The following ZNF705G variants were observed in gnomAD, a reference collection of about 807,000 sequenced individuals.
The protein encoded by ZNF705G is zinc finger protein 705G.
ZNF705G carries 23 observed loss-of-function variants against 19.6 expected under a neutral mutation model. The ratio of observed to expected loss-of-function variants is 1.17; its 90% CI spans 0.84 to 1.66. ZNF705G has a LOEUF of 1.66. ZNF705G is among the 40% of genes most tolerant of loss of function. The pLI is 0.00. For missense variants in ZNF705G, 457 were observed against 354.4 expected, an observed-to-expected ratio of 1.29 and a Z score of -2.32; for synonymous variants, 146 against 117.7, an observed-to-expected ratio of 1.24 and a Z score of -1.56.
rs552868726 is a variant in ZNF705G at position 7,362,668 on chromosome 8, T to A, written c.12+267A>T. On this transcript the variant is annotated intron_variant, in intron 3 of 6. Transcript: ENST00000400156. ...AGCCTTAATAGGGGCTGGAATAAAG[T>A]AGTGTAATATTAGAAATTATATTGA... 3.8e-4 allele frequency among the ~76,000 whole-genome samples: 57 copies of A among 149,534 alleles called. 6 individuals carry two copies. Among genetic ancestry groups the A allele is most frequent in the African/African-American group, 1.4e-3 (55 of 38,976 alleles).
At chr8:7,377,978 A>T (rs1807314083) in intron 2 of ZNF705G, among the ~76,000 whole-genome samples, 1 of 136,100 alleles carries the variant, frequency 7.3e-6, no homozygotes, top group Non-Finnish European at 1.5e-5. Flanking sequence ...AAAAAAAAAA[A>T]GTTTATATTA....
intron 2 of ZNF705G, among the ~76,000 whole-genome samples, chr8:7,379,667 T>TA (rs1342629445): frequency 4.8e-5 from 7 of 146,806 alleles, no homozygotes; most frequent in Non-Finnish European, 1.0e-4. Flanking sequence ...GGTGAAAAGG[T>TA]AAAAAAGAGA....
intron 1 of ZNF705G, among the ~76,000 whole-genome samples, chr8:7,384,478 C>T (rs200629541): frequency 4.1e-5 from 6 of 145,644 alleles, no homozygotes; most frequent in Admixed American, 1.3e-4. Flanking sequence ...CTCATCATCA[C>T]TGGTCATTAG....
In ZNF705G at chr8:7,358,320, G is replaced by A. The variant is rs1188721708; in HGVS notation, c.559C>T (p.Leu187Phe). Residue 187 changes from leucine (L) to phenylalanine (F), a missense_variant, in exon 7 of 7, where the codon CTT becomes TTT. Leu to Phe is a conservative substitution (Grantham distance 22). Transcript: ENST00000400156. ...CEKAYTNCFHLRRHKMTHTGE... is the reference protein window; with the variant it reads ...CEKAYTNCFHFRRHKMTHTGE... ...GTGTGAGTCATCTTGTGCCGTCTAA[G>A]GTGAAAGCAATTAGTATAGGCCTTT... 1.2e-6 allele frequency: 2 copies of A among 1,607,788 alleles called. No individual in the cohort carries two copies. The highest frequency in any genetic ancestry group is 1.7e-5 in the Admixed American group (1 of 59,946).
intron 2 of ZNF705G, among the ~76,000 whole-genome samples, chr8:7,368,832 ATTGT>A (rs1202454951): frequency 6.7e-6 from 1 of 149,514 alleles, no homozygotes; most frequent in Non-Finnish European, 1.5e-5. Flanking sequence ...GGCCCCAGAC[ATTGT>A]TTGGGCCACC....
rs1226952237 is a variant in ZNF705G at position 7,357,701 on chromosome 8, C to A, written c.*275G>T. Reference sequence around the variant, plus strand: ...GATGTGGACTGAAGAATAAAGGTAACTGAAGTATCTTCCATGTTGATTACA... The same window carrying A: ...GATGTGGACTGAAGAATAAAGGTAAATGAAGTATCTTCCATGTTGATTACA... On this transcript the variant is annotated 3_prime_UTR_variant, in exon 7 of 7. Coordinates refer to ENST00000400156, the MANE Select transcript of ZNF705G (RefSeq NM_001164457.3). 5 of 585,730 alleles carry A rather than the reference C, an allele frequency of 8.5e-6. No homozygotes were observed. Among genetic ancestry groups the A allele is most frequent in the Admixed American group, 6.4e-5 (2 of 31,032 alleles). 36.3% of individuals were successfully genotyped at this position (585,730 alleles called of 1,614,324 possible).
intron 2 of ZNF705G, among the ~76,000 whole-genome samples, chr8:7,367,518 C>A (rs1806911730): frequency 6.7e-6 from 1 of 149,476 alleles, no homozygotes; most frequent in South Asian, 2.1e-4. Context: ...GCATATAACT[C>A]CCTAAACACA....
rs576428563 is a variant in ZNF705G at position 7,370,459 on chromosome 8, T to A, written c.-71-7442A>T. 9.2e-4 allele frequency among the ~76,000 whole-genome samples: 137 copies of A among 149,192 alleles called. 1 individual carries two copies. The highest frequency in any genetic ancestry group is 1.4e-3 in the Admixed American group (22 of 15,210). Reference sequence around the variant, plus strand: ...AGATGTATAACAAGTATTAGTGAGGTTGTGGAGAAAAGATAACCCTTGTAT... The same window carrying A: ...AGATGTATAACAAGTATTAGTGAGGATGTGGAGAAAAGATAACCCTTGTAT... On this transcript the variant is annotated intron_variant, in intron 2 of 6. Coordinates refer to ENST00000400156, the MANE Select transcript of ZNF705G (RefSeq NM_001164457.3).
At position 7,376,068 on chromosome 8, in the gene ZNF705G, A is replaced by T. The variant is rs1161587099; in HGVS notation, c.-72+5384T>A. 2.2e-5 allele frequency among the ~76,000 whole-genome samples: 2 copies of T among 92,616 alleles called. 1 individual carries two copies. Among genetic ancestry groups the T allele is most frequent in the African/African-American group, 1.0e-4 (2 of 19,828 alleles). 60.8% of individuals were successfully genotyped at this position (92,616 alleles called of 152,430 possible). A position where few individuals can be genotyped will look rare whatever the true frequency, so the allele number is the denominator to read the frequency against. ...CTATATGTAGTAGCTGACTACTTACAGATAAAAGGAAGAGATGGAAAGCTC... is the reference window on the plus strand; with the variant it reads ...CTATATGTAGTAGCTGACTACTTACTGATAAAAGGAAGAGATGGAAAGCTC... On this transcript the variant is annotated intron_variant, in intron 2 of 6. Transcript: ENST00000400156.
chr8:7,357,829 T>G lies in ZNF705G; in HGVS notation c.*147A>C. On this transcript the variant is annotated 3_prime_UTR_variant, in exon 7 of 7. Coordinates refer to ENST00000400156, the MANE Select transcript of ZNF705G (RefSeq NM_001164457.3). ...CTTTGTCATTCCTAACACCGTGTCATCTAAAGTCAGAATATGTTCTGAAGA... is the reference window on the plus strand; with the variant it reads ...CTTTGTCATTCCTAACACCGTGTCAGCTAAAGTCAGAATATGTTCTGAAGA... 1 of 1,270,666 alleles carries G rather than the reference T, an allele frequency of 7.9e-7. No homozygotes were observed. Among genetic ancestry groups the G allele is most frequent in the Non-Finnish European group, 1.1e-6 (1 of 948,246 alleles). 78.7% of individuals were successfully genotyped at this position (1,270,666 alleles called of 1,614,324 possible). A position where few individuals can be genotyped will look rare whatever the true frequency, so the allele number is the denominator to read the frequency against.
intron 2 of ZNF705G, among the ~76,000 whole-genome samples, chr8:7,365,108 T>A (rs1357681244): frequency 6.7e-6 from 1 of 149,692 alleles, no homozygotes; most frequent in African/African-American, 2.6e-5. Context: ...AGTTAAAGCA[T>A]ACTTATTTCA....
At chr8:7,383,280 G>C (rs1243557657) in intron 1 of ZNF705G, among the ~76,000 whole-genome samples, 3 of 147,640 alleles carry the variant, frequency 2.0e-5, no homozygotes, top group Non-Finnish European at 4.4e-5. Flanking sequence ...TATGGTAAAG[G>C]AATTAAACAG....
In ZNF705G at chr8:7,356,764, A is replaced by T. The variant is rs1268719289; in HGVS notation, c.*1212T>A. On this transcript the variant is annotated 3_prime_UTR_variant, in exon 7 of 7. Coordinates refer to ENST00000400156, the MANE Select transcript of ZNF705G (RefSeq NM_001164457.3). Reference sequence around the variant, plus strand: ...GCAAATCCATTTGTTAGGGCCGCATAAATGAAACAAGGGCTTTGCCAACAT... The same window carrying T: ...GCAAATCCATTTGTTAGGGCCGCATTAATGAAACAAGGGCTTTGCCAACAT... 1.3e-5 allele frequency: 2 copies of T among 149,844 alleles called. No homozygotes were observed. The highest frequency in any genetic ancestry group is 2.9e-5 in the Non-Finnish European group (2 of 68,042). The allele number at this position is 149,844 out of a possible 1,614,324, so 9.3% of individuals were successfully genotyped here. A position where few individuals can be genotyped will look rare whatever the true frequency, so the allele number is the denominator to read the frequency against.
intron 2 of ZNF705G, among the ~76,000 whole-genome samples, chr8:7,380,784 C>T (rs1207942400): frequency 2.1e-5 from 3 of 146,020 alleles, no homozygotes; most frequent in African/African-American, 5.6e-5. Context: ...CTTTGGAAGG[C>T]TGAGGGGGGC....
At chr8:7,365,373 C>A (rs1309394779) in intron 2 of ZNF705G, among the ~76,000 whole-genome samples, 4 of 139,610 alleles carry the variant, frequency 2.9e-5, no homozygotes, top group Non-Finnish European at 6.0e-5. Context: ...ATGTCTCTCT[C>A]TATTTTTTTT....
At position 7,360,332 on chromosome 8, in the gene ZNF705G, CCT is replaced by C; in HGVS notation, c.140-2_140-1del. 6.3e-7 allele frequency: 1 copy of C among 1,588,522 alleles called. No homozygotes were observed. The highest frequency in any genetic ancestry group is 1.1e-5 in the South Asian group (1 of 90,620). ...TATATAGGATTTGCTTATCTGGTACCCTGTTAGTGGAAAGAATACATGTGTTT... is the reference window on the plus strand; with the variant it reads ...TATATAGGATTTGCTTATCTGGTACCGTTAGTGGAAAGAATACATGTGTTT... On this transcript the variant is annotated splice_acceptor_variant, in intron 4 of 6. Transcript: ENST00000400156. LOFTEE classifies it high-confidence loss of function.
intron 2 of ZNF705G, among the ~76,000 whole-genome samples, chr8:7,380,642 T>G (rs1177579880): frequency 6.8e-6 from 1 of 146,372 alleles, no homozygotes; most frequent in Non-Finnish European, 1.5e-5. Context: ...AGAGTTGACC[T>G]GCTATGACTA....
At chr8:7,365,670 C>G (rs1234500065) in intron 2 of ZNF705G, among the ~76,000 whole-genome samples, 1 of 149,484 alleles carries the variant, frequency 6.7e-6, no homozygotes, top group Non-Finnish European at 1.5e-5. Flanking sequence ...GTGCCCGGCC[C>G]AGATCTCTTA....
rs369751237 is a variant in ZNF705G, at chr8:7,359,632, G to A, written c.305C>T (p.Thr102Ile). Residue 102 changes from threonine (T) to isoleucine (I), a missense_variant, in exon 6 of 7, where the codon ACC becomes ATC. Transcript: ENST00000400156. ...TATAAAACTTACCATTGTCATACTG[G>A]TGGATGCGTCTTTTCTGGTGATAGG... ...MHPITRKDAS[T>I]SMTMENSLIL... The A allele has an allele frequency of 1.5e-4, 241 of 1,606,720 alleles. 29 individuals are homozygous for A. In the African/African-American group the frequency reaches 3.0e-3, roughly 20 times the overall value.
Sources: gnomAD v4.1 joint callset for allele counts (sites outside exome capture counted in the v4.1 genomes callset) on GRCh38, gnomAD v4.1.1 for gene constraint, MANE v1.5 for transcripts, NCBI Gene and HGNC (gene_info 2026-07-23, HGNC 2026-07-21) for gene names.